CPA6: variants seen among roughly 807,000 people sequenced by gnomAD.
The protein encoded by CPA6 is carboxypeptidase A6.
Under a neutral mutation model 63.3 loss-of-function variants are expected in CPA6, and 58 were observed. The observed-to-expected ratio is 0.92, with a 90% CI of 0.74 to 1.14. The LOEUF (loss-of-function observed/expected upper bound fraction) is 1.14. CPA6 is among the 50% of genes most tolerant of loss of function. The probability of loss-of-function intolerance (pLI) is 0.00; values close to 1 mark genes in which losing one functional copy is unlikely to be tolerated. For synonymous variants in CPA6, 185 were observed against 179.0 expected (o/e 1.03, Z -0.27); for missense variants, 565 against 526.6 (o/e 1.07, Z -0.71).
intron 1 of CPA6, among the ~76,000 whole-genome samples, chr8:67,688,703 G>T (rs901429227): frequency 1.3e-5 from 2 of 151,910 alleles, no homozygotes; most frequent in African/African-American, 4.8e-5. Flanking sequence ...TCCTAGTTTC[G>T]GTTTGTGTTT....
intron 8 of CPA6, among the ~76,000 whole-genome samples, chr8:67,454,125 T>C (rs540930359): frequency 6.6e-6 from 1 of 152,252 alleles, no homozygotes; most frequent in Non-Finnish European, 1.5e-5. Flanking sequence ...TCATCTTCTA[T>C]ACCAACCCTG....
At chr8:67,461,639 C>T (rs997741280) in intron 8 of CPA6, among the ~76,000 whole-genome samples, 23 of 152,294 alleles carry the variant, frequency 1.5e-4, no homozygotes, top group African/African-American at 2.2e-4. Flanking sequence ...TAGGGGCGGC[C>T]GGGCAGAGGT....
chr8:67,500,634 C>T (rs1420619152), intron 6 of CPA6, among the ~76,000 whole-genome samples: 1 of 151,808 alleles, frequency 6.6e-6, no homozygotes, highest in East Asian at 1.9e-4. Flanking sequence ...TGAAGATTTT[C>T]TTCTATGCTT....
At chr8:67,652,980 C>T (rs1434270192) in intron 1 of CPA6, among the ~76,000 whole-genome samples, 1 of 152,016 alleles carries the variant, frequency 6.6e-6, no homozygotes, top group Non-Finnish European at 1.5e-5. Context: ...TTCCCAGCAC[C>T]ATTTATTAAA....
chr8:67,514,910 G>A (rs182297146), intron 3 of CPA6, among the ~76,000 whole-genome samples: 1 of 152,302 alleles, frequency 6.6e-6, no homozygotes, highest in East Asian at 1.9e-4. Flanking sequence ...CTGCGATTCT[G>A]TTCTAGAAGC....
chr8:67,711,549 A>G (rs1420210542), intron 1 of CPA6, among the ~76,000 whole-genome samples: 1 of 152,260 alleles, frequency 6.6e-6, no homozygotes, highest in East Asian at 1.9e-4. Flanking sequence ...GAGCTCATTG[A>G]CAGCCTGAGG....
intron 2 of CPA6, among the ~76,000 whole-genome samples, chr8:67,537,940 T>C (rs1812621300): frequency 6.6e-6 from 1 of 152,212 alleles, no homozygotes; most frequent in African/African-American, 2.4e-5. Flanking sequence ...AATTTCGTTA[T>C]TTACCCGTAG....
At chr8:67,475,801 CTT>C (rs1225161377) in intron 8 of CPA6, among the ~76,000 whole-genome samples, 22 of 57,710 alleles carry the variant, frequency 3.8e-4, no homozygotes, top group African/African-American at 5.0e-4. Context: ...TTCTTTCTTT[CTT>C]TCTTTCTTTC....
chr8:67,445,897 G>A (rs967355608), intron 8 of CPA6, among the ~76,000 whole-genome samples: 21 of 152,002 alleles, frequency 1.4e-4, no homozygotes, highest in African/African-American at 5.1e-4. Context: ...AATATTTAAT[G>A]GAAAAAAGAA....
At chr8:67,481,412 T>A (rs1811358078) in intron 8 of CPA6, among the ~76,000 whole-genome samples, 1 of 152,190 alleles carries the variant, frequency 6.6e-6, no homozygotes, top group Admixed American at 6.5e-5. Flanking sequence ...GTGATATTCA[T>A]CTTATGGGTG....
chr8:67,468,629 T>TAA (rs1563964463), intron 8 of CPA6, among the ~76,000 whole-genome samples: 2 of 120,484 alleles, frequency 1.7e-5, no homozygotes, highest in African/African-American at 7.0e-5. Flanking sequence ...AATAAAATAA[T>TAA]AATAATAAGA....
At chr8:67,528,860 G>C (rs1812419959) in intron 2 of CPA6, among the ~76,000 whole-genome samples, 1 of 151,848 alleles carries the variant, frequency 6.6e-6, no homozygotes, top group Non-Finnish European at 1.5e-5. Context: ...TTTTCTGCCT[G>C]ATCTTTAAGA....
chr8:67,681,606 A>G (rs1015408960), intron 1 of CPA6, among the ~76,000 whole-genome samples: 4 of 152,140 alleles, frequency 2.6e-5, no homozygotes, highest in Admixed American at 6.5e-5. Context: ...GTATGCATGT[A>G]AGCTTTTGGG....
At chr8:67,678,970 G>A (rs1255186811) in intron 1 of CPA6, among the ~76,000 whole-genome samples, 1 of 152,196 alleles carries the variant, frequency 6.6e-6, no homozygotes, top group Non-Finnish European at 1.5e-5. Flanking sequence ...GACAGAAAGA[G>A]TTTGTTTCCA....
At chr8:67,447,546 C>T (rs1005982230) in intron 8 of CPA6, among the ~76,000 whole-genome samples, 12 of 138,646 alleles carry the variant, frequency 8.7e-5, no homozygotes, top group Admixed American at 2.8e-4. Flanking sequence ...CACACACACA[C>T]ATACACATTT....
rs141769149 is a variant in CPA6 at position 67,623,130 on chromosome 8, T to A, written c.192+1046A>T. On this transcript the variant is annotated intron_variant, in intron 2 of 10. Transcript: ENST00000297770. ...TTAACTTGAATTTCTGGCTTTAATT[T>A]TTCCTCAACTCACTTCTGCTTAAAG... Among the ~76,000 whole-genome samples, 18 of 152,346 alleles carry A rather than the reference T, an allele frequency of 1.2e-4. No homozygotes were observed. In the East Asian group the frequency reaches 2.9e-3, roughly 24 times the overall value.
intron 2 of CPA6, among the ~76,000 whole-genome samples, chr8:67,537,546 T>G (rs1002077164): frequency 3.9e-5 from 6 of 152,202 alleles, no homozygotes; most frequent in African/African-American, 1.4e-4. Context: ...GATATCCCCT[T>G]TGTCATTTTT....
chr8:67,536,260 G>C (rs943424698), intron 2 of CPA6, among the ~76,000 whole-genome samples: 1 of 152,148 alleles, frequency 6.6e-6, no homozygotes, highest in African/African-American at 2.4e-5. Context: ...GATGGGAATA[G>C]CATTGAATCT....
intron 1 of CPA6, among the ~76,000 whole-genome samples, chr8:67,673,939 G>A (rs1291552564): frequency 6.6e-6 from 1 of 152,028 alleles, no homozygotes; most frequent in Non-Finnish European, 1.5e-5. Context: ...TGAGGTAAAG[G>A]TGAATGAAGG....
Sources: allele counts gnomAD v4.1 joint callset (sites outside exome capture counted in the v4.1 genomes callset), GRCh38; gene constraint gnomAD v4.1.1; transcripts MANE v1.5; gene names NCBI Gene and HGNC (gene_info 2026-07-23, HGNC 2026-07-21).